The following GRIA1 variants were observed in gnomAD, a reference collection of about 807,000 sequenced individuals.
The protein encoded by GRIA1 is glutamate ionotropic receptor AMPA type subunit 1, also known as glutamate receptor 1.
A neutral mutation model predicts 99.2 loss-of-function variants in GRIA1; 31 were observed. The ratio of observed to expected loss-of-function variants is 0.31; its 90% CI spans 0.23 to 0.42. The LOEUF (loss-of-function observed/expected upper bound fraction) is 0.42, where lower values mean the gene tolerates loss of function less well. Ranked by LOEUF, GRIA1 falls within the 10% of genes least tolerant of loss-of-function variation. The pLI, the probability that GRIA1 is intolerant of heterozygous loss-of-function variation, is 1.00. For synonymous variants in GRIA1, 438 were observed against 432.4 expected (o/e 1.01, Z -0.16); for missense variants, 782 against 1,157.5 (o/e 0.68, Z 4.71).
chr5:153,721,253 T>G (rs1760048326), intron 11 of GRIA1, among the ~76,000 whole-genome samples: 1 of 152,220 alleles, frequency 6.6e-6, no homozygotes, highest in Admixed American at 6.5e-5. Flanking sequence ...ATGGACTCTT[T>G]CCTCTTAAAT....
chr5:153,714,958 C>T (rs1239413679), intron 11 of GRIA1, among the ~76,000 whole-genome samples: 1 of 152,158 alleles, frequency 6.6e-6, no homozygotes, highest in African/African-American at 2.4e-5. Flanking sequence ...GAGAAACGGC[C>T]TCAAAATAAG....
chr5:153,566,191 A>G (rs1362626637), intron 2 of GRIA1, among the ~76,000 whole-genome samples: 1 of 150,278 alleles, frequency 6.7e-6, no homozygotes, highest in Non-Finnish European at 1.5e-5. Flanking sequence ...GTGGTATCTC[A>G]TTGTGGTTTT....
At chr5:153,676,725 TC>T (rs1162690043) in intron 6 of GRIA1, among the ~76,000 whole-genome samples, 1 of 152,094 alleles carries the variant, frequency 6.6e-6, no homozygotes, top group South Asian at 2.1e-4. Flanking sequence ...TGGCTTCTCT[TC>T]AAAAATTATA....
intron 11 of GRIA1, among the ~76,000 whole-genome samples, chr5:153,729,675 T>C (rs1760869182): frequency 6.6e-6 from 1 of 152,110 alleles, no homozygotes. Context: ...ACTGAAATGA[T>C]AGGGCTTTGA....
chr5:153,800,398 C>A (rs777999132), intron 14 of GRIA1, among the ~76,000 whole-genome samples: 1 of 152,194 alleles, frequency 6.6e-6, no homozygotes, highest in Admixed American at 6.5e-5. Flanking sequence ...TTTGAGTGTT[C>A]TAAAAATCAT....
chr5:153,804,834 C>T (rs192797940), intron 15 of GRIA1, among the ~76,000 whole-genome samples: 47 of 152,204 alleles, frequency 3.1e-4, no homozygotes, highest in African/African-American at 1.0e-3. Flanking sequence ...TCACTGCAAC[C>T]TCCATCTCCT....
At chr5:153,544,667 G>T (rs1196864732) in intron 2 of GRIA1, among the ~76,000 whole-genome samples, 1 of 152,170 alleles carries the variant, frequency 6.6e-6, no homozygotes, top group African/African-American at 2.4e-5. Context: ...CATGGGAAGA[G>T]ATTTAATTTA....
At chr5:153,744,647 C>T (rs1157073091) in intron 11 of GRIA1, among the ~76,000 whole-genome samples, 3 of 152,120 alleles carry the variant, frequency 2.0e-5, no homozygotes, top group African/African-American at 7.2e-5. Context: ...ATATAAAATC[C>T]TTTAATGATT....
intron 15 of GRIA1, among the ~76,000 whole-genome samples, chr5:153,805,646 G>A (rs937230869): frequency 3.9e-5 from 6 of 152,160 alleles, no homozygotes; most frequent in African/African-American, 9.7e-5. Context: ...GCCAGGTGGT[G>A]GTGCCAGAGT....
chr5:153,683,043 C>G (rs1047031200), intron 7 of GRIA1, among the ~76,000 whole-genome samples: 7 of 152,202 alleles, frequency 4.6e-5, no homozygotes, highest in Non-Finnish European at 1.0e-4. Context: ...GTTCCGGGAG[C>G]AGGAACCAAG....
At chr5:153,542,723 T>C (rs1448129584) in intron 2 of GRIA1, among the ~76,000 whole-genome samples, 1 of 152,260 alleles carries the variant, frequency 6.6e-6, no homozygotes. Context: ...TCATTTTCTA[T>C]GATTCATCTC....
intron 2 of GRIA1, among the ~76,000 whole-genome samples, chr5:153,553,802 T>A (rs956012226): frequency 6.6e-6 from 1 of 152,180 alleles, no homozygotes; most frequent in African/African-American, 2.4e-5. Context: ...GGAAACTGCC[T>A]TTCCCTGGCA....
intron 11 of GRIA1, among the ~76,000 whole-genome samples, chr5:153,717,940 C>T (rs1005462983): frequency 6.6e-6 from 1 of 152,178 alleles, no homozygotes; most frequent in Non-Finnish European, 1.5e-5. Context: ...CCCTGAGATT[C>T]ATTTTCTCTT....
At chr5:153,767,408 C>G (rs1302234780) in intron 12 of GRIA1, among the ~76,000 whole-genome samples, 1 of 152,220 alleles carries the variant, frequency 6.6e-6, no homozygotes, top group East Asian at 1.9e-4. Context: ...TGTGTGCAAT[C>G]AGGAGGTCAG....
intron 2 of GRIA1, among the ~76,000 whole-genome samples, chr5:153,612,339 TG>T (rs2149410861): frequency 6.6e-6 from 1 of 152,350 alleles, no homozygotes; most frequent in African/African-American, 2.4e-5. Flanking sequence ...CATGAGAATT[TG>T]AAGTTGATAC....
In GRIA1 at chr5:153,698,074, G is replaced by T; in HGVS notation, c.1165G>T (p.Val389Phe). The T allele has an allele frequency of 6.2e-7, 1 of 1,609,118 alleles. No homozygotes were observed. The highest frequency in any genetic ancestry group is 8.5e-7 in the Non-Finnish European group (1 of 1,175,526). The change falls in exon 9 of 16, where the codon GTC becomes TTC. Residue 389 changes from valine to phenylalanine, a missense_variant. By Grantham distance (50) the Val-to-Phe change is conservative. Coordinates refer to ENST00000285900, the MANE Select transcript of GRIA1 (RefSeq NM_000827.4). ...TTACTGGAATGAAGATGATAAGTTT[G>T]TCCCTGCAGCCACCGATGCCCAAGC... The part of the protein sequence containing the change: ...IGYWNEDDKF[V>F]PAATDAQAGG...
At chr5:153,723,194 A>G (rs542210869) in intron 11 of GRIA1, among the ~76,000 whole-genome samples, 1 of 152,318 alleles carries the variant, frequency 6.6e-6, no homozygotes, top group Admixed American at 6.5e-5. Context: ...CATAGTCTCA[A>G]CTCAATGTGT....
intron 1 of GRIA1, among the ~76,000 whole-genome samples, chr5:153,492,482 G>A (rs571673964): frequency 6.6e-6 from 1 of 152,052 alleles, no homozygotes; most frequent in African/African-American, 2.4e-5. Flanking sequence ...GTGGTCATCT[G>A]GGGGGAAGGG....
intron 2 of GRIA1, among the ~76,000 whole-genome samples, chr5:153,575,174 G>A (rs1172679065): frequency 7.0e-6 from 1 of 143,644 alleles, no homozygotes; most frequent in Non-Finnish European, 1.5e-5. Context: ...TAAGCACAGA[G>A]GTTTCATGGA....
Sources: gnomAD v4.1 joint callset for allele counts (sites outside exome capture counted in the v4.1 genomes callset) on GRCh38, gnomAD v4.1.1 for gene constraint, MANE v1.5 for transcripts, NCBI Gene and HGNC (gene_info 2026-07-23, HGNC 2026-07-21) for gene names.